Variants in PDE10A observed in about 807,000 individuals in gnomAD.
The protein encoded by PDE10A is phosphodiesterase 10A.
A neutral mutation model predicts 97.7 loss-of-function variants in PDE10A; 39 were observed. The observed-to-expected ratio is 0.40, with a 90% CI of 0.31 to 0.52. PDE10A has a LOEUF of 0.52. Ranked by LOEUF, PDE10A falls within the 20% of genes least tolerant of loss-of-function variation. The probability of loss-of-function intolerance (pLI) is 0.56; values close to 1 mark genes in which losing one functional copy is unlikely to be tolerated. For synonymous variants in PDE10A, 371 were observed against 376.8 expected (o/e 0.98, Z 0.18); for missense variants, 731 against 1,047.8 (o/e 0.70, Z 4.17).
Position 165,662,769 on chromosome 6 carries a change from G to T in PDE10A, c.43C>A (p.Pro15Thr), listed in dbSNP as rs1583745729. 6.7e-6 allele frequency among the ~76,000 whole-genome samples: 1 copy of T among 149,192 alleles called. No individual in the cohort carries two copies. Among genetic ancestry groups the T allele is most frequent in the Middle Eastern group, 3.5e-3 (1 of 286 alleles). ...GGCTCGTCCCCGGCCGCTGGCAGGG[G>T]ACCCTGGGGGCGGGGAGCAAGAGGC... ...EEPLAPRPQG[P>T]LPAAGDEPGC... The change falls in exon 1 of 22, where the codon CCC becomes ACC. Residue 15 changes from proline (P) to threonine (T), a missense_variant. Pro to Thr is a conservative substitution (Grantham distance 38). This residue lies in a region of PDE10A where 181 missense variants were observed against 159.1 expected (regional missense o/e 1.14). Coordinates refer to ENST00000539869, the MANE Select transcript of PDE10A (RefSeq NM_001385079.1).
intron 1 of PDE10A, chr6:165,780,692 G>A (rs1336607529): frequency 1.3e-5 from 2 of 152,244 alleles, no homozygotes; most frequent in African/African-American, 4.8e-5. Context: ...GAGAAATAAC[G>A]ATTGGGCTTA....
Position 165,431,442 on chromosome 6 carries a change from C to T in PDE10A, c.1522G>A (p.Val508Ile). 6.3e-7 allele frequency: 1 copy of T among 1,599,840 alleles called. No individual in the cohort carries two copies. The highest frequency in any genetic ancestry group is 8.5e-7 in the Non-Finnish European group (1 of 1,171,862). Residue 508 changes from valine (V) to isoleucine (I), a missense_variant, in exon 8 of 22, where the codon GTA becomes ATA. By Grantham distance (29) the Val-to-Ile change is conservative. This residue lies in a region of PDE10A where 152 missense variants were observed against 199.3 expected (regional missense o/e 0.76). Transcript: ENST00000539869. The part of the protein sequence containing the change: ...VATANLAWAS[V>I]AIHQVQVCRG... ...CTCACCTGCACCTGATGTATTGCTA[C>T]TGAAGCCCAGGCAAGATTTGCTGTT... is the stretch of plus-strand genomic sequence containing the variant.
chr6:165,850,172 T>C (rs1780536379), intron 1 of PDE10A, among the ~76,000 whole-genome samples: 1 of 152,226 alleles, frequency 6.6e-6, no homozygotes, highest in Non-Finnish European at 1.5e-5. Flanking sequence ...GAGAGCAGGC[T>C]GCTGGGCCAG....
rs1304608844 is a variant in PDE10A, at chr6:165,329,967, A to C, written c.*3058T>G. 1 of 152,180 alleles carries C rather than the reference A, an allele frequency of 6.6e-6. No homozygotes were observed. Among genetic ancestry groups the C allele is most frequent in the African/African-American group, 2.4e-5 (1 of 41,438 alleles). The allele number at this position is 152,180 out of a possible 1,614,324, so 9.4% of individuals were successfully genotyped here. On this transcript the variant is annotated 3_prime_UTR_variant, in exon 22 of 22. Transcript: ENST00000539869. ...TTTTTTAGAATTAGTTTCCACATCC[A>C]TTGTATTTCTTTTGACCCTTTTCTA...
chr6:165,861,617 G>T (rs911800477), intron 1 of PDE10A, among the ~76,000 whole-genome samples: 2 of 152,006 alleles, frequency 1.3e-5, no homozygotes, highest in Non-Finnish European at 2.9e-5. Flanking sequence ...AACAGCAGTC[G>T]CAGGAGGACA....
intron 1 of PDE10A, among the ~76,000 whole-genome samples, chr6:165,761,947 T>C (rs868452363): frequency 9.5e-4 from 145 of 152,368 alleles, no homozygotes; most frequent in African/African-American, 3.1e-3. Flanking sequence ...ATAGAACTGA[T>C]GTTTATGGTT....
chr6:165,504,204 G>A (rs1333935154), intron 2 of PDE10A, among the ~76,000 whole-genome samples: 2 of 152,014 alleles, frequency 1.3e-5, no homozygotes, highest in Non-Finnish European at 2.9e-5. Context: ...TATTATTTTG[G>A]AAAATTTGAG....
intron 1 of PDE10A, among the ~76,000 whole-genome samples, chr6:165,985,125 T>C (rs76523601): frequency 0.072 from 10,991 of 152,270 alleles, 481 homozygotes; most frequent in South Asian, 0.13. Flanking sequence ...GTCACACAAA[T>C]AAGCCCTCTA....
chr6:165,346,915 TG>T (rs1244146996), intron 18 of PDE10A, among the ~76,000 whole-genome samples: 3 of 152,158 alleles, frequency 2.0e-5, no homozygotes, highest in African/African-American at 7.2e-5. Context: ...ACTGTGAGAG[TG>T]GTTAAGTGTT....
chr6:165,372,360 G>T (rs1361193435), intron 18 of PDE10A, among the ~76,000 whole-genome samples: 6 of 149,544 alleles, frequency 4.0e-5, no homozygotes, highest in African/African-American at 1.0e-4. Context: ...TCCTTAAGCT[G>T]ATAAGCAACT....
Position 165,482,347 on chromosome 6 carries a change from G to C in PDE10A, c.995-4C>G, listed in dbSNP as rs532573177. 52 of 1,599,934 alleles carry C rather than the reference G, an allele frequency of 3.3e-5. No individual in the cohort carries two copies. In the South Asian group the frequency reaches 5.4e-4, roughly 17 times the overall value. On this transcript the variant is annotated splice_region_variant and splice_polypyrimidine_tract_variant and intron_variant, in intron 2 of 21. Transcript: ENST00000539869. The stretch of plus-strand genomic sequence containing the variant: ...ACTTCCTTAGGAGCTGATTCATCTG[G>C]GGATAGAGAAGGAAGAGGGAAAAAC...
At chr6:165,631,387 G>C (rs1399941027) in intron 1 of PDE10A, among the ~76,000 whole-genome samples, 1 of 152,196 alleles carries the variant, frequency 6.6e-6, no homozygotes, top group Non-Finnish European at 1.5e-5. Flanking sequence ...AGTAACTGAA[G>C]TTGCTAGGTC....
At chr6:165,427,009 G>C (rs902213063) in intron 10 of PDE10A, among the ~76,000 whole-genome samples, 1 of 152,100 alleles carries the variant, frequency 6.6e-6, no homozygotes, top group Admixed American at 6.6e-5. Flanking sequence ...CTTGTGCACA[G>C]CTGCTGGGAA....
intron 1 of PDE10A, among the ~76,000 whole-genome samples, chr6:165,784,202 A>G (rs1281650575): frequency 1.3e-5 from 2 of 151,622 alleles, no homozygotes; most frequent in African/African-American, 4.9e-5. Flanking sequence ...CCCAGGCAAC[A>G]ACAATGCGAG....
At chr6:165,542,154 T>C (rs1335204959) in intron 2 of PDE10A, among the ~76,000 whole-genome samples, 1 of 152,174 alleles carries the variant, frequency 6.6e-6, no homozygotes, top group Non-Finnish European at 1.5e-5. Context: ...CCTAGTTCTG[T>C]ACATGTATCC....
rs138974960 is a variant in PDE10A, at chr6:165,866,994, C to T, written c.-615+120535G>A. Among the ~76,000 whole-genome samples, 1,424 of 151,756 alleles carry T rather than the reference C, an allele frequency of 9.4e-3. 22 individuals are homozygous for T. Among genetic ancestry groups the T allele is most frequent in the African/African-American group, 0.032 (1,342 of 41,398 alleles). Reference sequence around the variant, plus strand: ...TGATATATACCATCATGAAAACACACAAAAATATAAAACTCACTGGAAAAT... The same window carrying T: ...TGATATATACCATCATGAAAACACATAAAAATATAAAACTCACTGGAAAAT... On this transcript the variant is annotated intron_variant, in intron 1 of 19. Coordinates refer to the PDE10A transcript ENST00000366882.
chr6:165,423,431 C>T (rs557222467), intron 10 of PDE10A, among the ~76,000 whole-genome samples: 8 of 152,270 alleles, frequency 5.3e-5, no homozygotes, highest in East Asian at 1.9e-4. Flanking sequence ...TTGTTGGTTA[C>T]GAGTTCTCAC....
intron 1 of PDE10A, among the ~76,000 whole-genome samples, chr6:165,596,736 CA>C (rs987212120): frequency 4.0e-5 from 6 of 151,402 alleles, no homozygotes; most frequent in East Asian, 1.9e-4. Context: ...CACACACACA[CA>C]AAAAAAATAT....
chr6:165,400,870 C>T (rs1183449483), intron 13 of PDE10A, among the ~76,000 whole-genome samples: 5 of 152,116 alleles, frequency 3.3e-5, no homozygotes. Context: ...TAAACTACTA[C>T]TAAGTAATAA....
Sources: allele counts gnomAD v4.1 joint callset (sites outside exome capture counted in the v4.1 genomes callset), GRCh38; gene constraint gnomAD v4.1.1; regional missense constraint gnomAD v4.1.1; transcripts MANE v1.5; gene names NCBI Gene and HGNC (gene_info 2026-07-23, HGNC 2026-07-21).